Variants in ACVR1 observed in about 807,000 individuals in gnomAD.
ACVR1 encodes the protein activin A receptor type 1.
ACVR1 carries 38 observed loss-of-function variants against 57.1 expected under a neutral mutation model. The observed-to-expected ratio is 0.67, with a 90% CI of 0.51 to 0.87. The LOEUF (loss-of-function observed/expected upper bound fraction) is 0.87. Among genes scored for constraint, ACVR1 ranks in the 40% least tolerant of loss-of-function variants. The probability of loss-of-function intolerance (pLI) is 0.00; values close to 1 mark genes in which losing one functional copy is unlikely to be tolerated. For missense variants in ACVR1, 463 were observed against 638.2 expected, an observed-to-expected ratio of 0.73 and a Z score of 2.96; for synonymous variants, 212 against 228.1, an observed-to-expected ratio of 0.93 and a Z score of 0.63.
chr2:157,793,765 A>G (rs1687008792), intron 3 of ACVR1, among the ~76,000 whole-genome samples: 1 of 152,202 alleles, frequency 6.6e-6, no homozygotes, highest in African/African-American at 2.4e-5. Flanking sequence ...CCTAATAATG[A>G]GAAAATCAAA....
intron 1 of ACVR1, among the ~76,000 whole-genome samples, chr2:157,855,404 A>G (rs1364167596): frequency 1.3e-5 from 2 of 149,668 alleles, no homozygotes; most frequent in Non-Finnish European, 3.0e-5. Context: ...GGAGGCTGAC[A>G]TGGGAGGATC....
chr2:157,745,166 G>T (rs1033881512), intron 9 of ACVR1, among the ~76,000 whole-genome samples: 4 of 152,226 alleles, frequency 2.6e-5, no homozygotes, highest in Non-Finnish European at 5.9e-5. Flanking sequence ...TTACTGTGTA[G>T]TTGGACCCTA....
intron 3 of ACVR1, among the ~76,000 whole-genome samples, chr2:157,797,550 A>G (rs1055683137): frequency 2.0e-4 from 31 of 152,206 alleles, no homozygotes; most frequent in Admixed American, 2.0e-3. Context: ...AAAGATATAT[A>G]ACAACATGTT....
chr2:157,809,377 T>G (rs994356738), intron 2 of ACVR1, among the ~76,000 whole-genome samples: 1 of 152,172 alleles, frequency 6.6e-6, no homozygotes, highest in Non-Finnish European at 1.5e-5. Flanking sequence ...AATTGTGGTA[T>G]GACTCAACAA....
intron 1 of ACVR1, among the ~76,000 whole-genome samples, chr2:157,826,933 GAA>G (rs1473579400): frequency 7.1e-6 from 1 of 141,518 alleles, no homozygotes; most frequent in East Asian, 2.2e-4. Context: ...GGGAAAGAAA[GAA>G]AGAGAGAAAC....
intron 3 of ACVR1, among the ~76,000 whole-genome samples, chr2:157,786,752 G>A (rs1351782647): frequency 1.3e-5 from 2 of 152,084 alleles, no homozygotes; most frequent in East Asian, 3.9e-4. Context: ...AGGACTCTGG[G>A]CTATGGTGAT....
At chr2:157,739,047 CT>C (rs1684646408) in intron 9 of ACVR1, among the ~76,000 whole-genome samples, 1 of 152,192 alleles carries the variant, frequency 6.6e-6, no homozygotes, top group Non-Finnish European at 1.5e-5. Flanking sequence ...CAAAATACCC[CT>C]TTCTTTGTTA....
chr2:157,839,683 A>T (rs1245556545), intron 1 of ACVR1, among the ~76,000 whole-genome samples: 1 of 152,208 alleles, frequency 6.6e-6, no homozygotes, highest in Non-Finnish European at 1.5e-5. Flanking sequence ...GTAATCTGAT[A>T]CCATGCAGTG....
intron 3 of ACVR1, among the ~76,000 whole-genome samples, chr2:157,787,218 G>A (rs1044284876): frequency 7.2e-5 from 11 of 152,104 alleles, no homozygotes; most frequent in African/African-American, 2.4e-4. Context: ...GACGATATTC[G>A]TCTGTCTTTT....
At chr2:157,782,291 TC>T (rs1362683087) in intron 3 of ACVR1, among the ~76,000 whole-genome samples, 5 of 152,150 alleles carry the variant, frequency 3.3e-5, no homozygotes, top group Non-Finnish European at 5.9e-5. Context: ...ACTTGCTAGT[TC>T]CTTTGAAAAC....
chr2:157,858,018 G>A (rs1304166410), intron 1 of ACVR1, among the ~76,000 whole-genome samples: 1 of 151,416 alleles, frequency 6.6e-6, no homozygotes, highest in East Asian at 1.9e-4. Context: ...ACTATGCCAG[G>A]CTTTTTCGTC....
intron 3 of ACVR1, among the ~76,000 whole-genome samples, chr2:157,795,512 T>C (rs1161892818): frequency 3.3e-5 from 5 of 151,882 alleles, no homozygotes; most frequent in Non-Finnish European, 4.4e-5. Context: ...GCTATAGCAC[T>C]CACTGGATAT....
chr2:157,738,419 CT>C lies in ACVR1; in HGVS notation c.1395+20del. 9 of 1,614,028 alleles carry C rather than the reference CT, an allele frequency of 5.6e-6. No individual in the cohort carries two copies. The highest frequency in any genetic ancestry group is 6.8e-6 in the Non-Finnish European group (8 of 1,179,900). ...CAAACAATGGAAAAGAGCTCTAAAA[CT>C]GAGAAACTGGCATTCTTACCGGGTC... is the stretch of plus-strand genomic sequence containing the variant. On this transcript the variant is annotated intron_variant, in intron 10 of 10. Coordinates refer to ENST00000434821, the MANE Select transcript of ACVR1 (RefSeq NM_001111067.4).
rs1684628705 is a variant in ACVR1, at chr2:157,738,524, A to G, written c.1311T>C (p.Asn437=). ...TCCTCATATCTTCAAAACTTGGGTCATTGGGAACCACATCGTAGAACGGTG... is the reference window on the plus strand; with the variant it reads ...TCCTCATATCTTCAAAACTTGGGTCGTTGGGAACCACATCGTAGAACGGTG... ...YKPPFYDVVP[N]DPSFEDMRKV... is the part of the protein sequence containing the mutation. The change falls in exon 10 of 11, where the codon AAT becomes AAC. Residue 437 remains asparagine, a synonymous_variant. Transcript: ENST00000434821. 6.2e-7 allele frequency: 1 copy of G among 1,614,182 alleles called. No homozygotes were observed. Among genetic ancestry groups the G allele is most frequent in the Non-Finnish European group, 8.5e-7 (1 of 1,180,012 alleles).
intron 1 of ACVR1, among the ~76,000 whole-genome samples, chr2:157,822,265 T>C (rs1008482656): frequency 2.6e-5 from 4 of 152,218 alleles, no homozygotes; most frequent in Non-Finnish European, 5.9e-5. Context: ...CCGCAAATCA[T>C]TTAACCCCTG....
At chr2:157,777,491 T>A (rs1686336140) in intron 5 of ACVR1, among the ~76,000 whole-genome samples, 1 of 152,242 alleles carries the variant, frequency 6.6e-6, no homozygotes, top group Admixed American at 6.5e-5. Context: ...TGGTTGAATA[T>A]CTGTTAAAAT....
chr2:157,775,371 T>C (rs943535987), intron 5 of ACVR1, among the ~76,000 whole-genome samples: 17 of 152,226 alleles, frequency 1.1e-4, no homozygotes, highest in African/African-American at 4.1e-4. Flanking sequence ...AGGCATAGAT[T>C]ATCTGTAATA....
At chr2:157,794,208 T>C (rs924443800) in intron 3 of ACVR1, among the ~76,000 whole-genome samples, 1 of 149,120 alleles carries the variant, frequency 6.7e-6, no homozygotes, top group Non-Finnish European at 1.5e-5. Flanking sequence ...GGTATAATAG[T>C]AGTATTAGAG....
intron 9 of ACVR1, among the ~76,000 whole-genome samples, chr2:157,747,752 T>TGG (rs141655589): frequency 1.1e-4 from 17 of 152,124 alleles, no homozygotes; most frequent in African/African-American, 3.6e-4. Flanking sequence ...CTGATTTGTG[T>TGG]GTGGGGGGGT....
Sources: allele counts gnomAD v4.1 joint callset (sites outside exome capture counted in the v4.1 genomes callset), GRCh38; gene constraint gnomAD v4.1.1; transcripts MANE v1.5; gene names NCBI Gene and HGNC (gene_info 2026-07-23, HGNC 2026-07-21).